NTM: variants seen among roughly 807,000 people sequenced by gnomAD.
NTM encodes the protein neurotrimin, also known as IgLON family member 2.
Under a neutral mutation model 42.1 loss-of-function variants are expected in NTM, and 13 were observed. That is an observed-to-expected ratio of 0.31 (90% CI 0.20 to 0.49). The LOEUF is 0.49. Ranked by LOEUF, NTM falls within the 20% of genes least tolerant of loss-of-function variation. NTM has a pLI of 0.99. For missense variants in NTM, 373 were observed against 452.8 expected (o/e 0.82, Z 1.60); for synonymous variants, 187 against 179.2 (o/e 1.04, Z -0.35).
At chr11:131,553,905 G>A (rs146863105) in intron 1 of NTM, among the ~76,000 whole-genome samples, 133 of 152,178 alleles carry the variant, frequency 8.7e-4, no homozygotes, top group African/African-American at 2.8e-3. Flanking sequence ...CTCATTTCCC[G>A]TAAACGTGAC....
In NTM at chr11:131,568,539, GT is replaced by G. The variant is rs1237884683; in HGVS notation, c.82+197655del. Among the ~76,000 whole-genome samples the G allele has an allele frequency of 3.9e-5, 6 of 152,296 alleles. No homozygotes were observed. The East Asian group carries it at 1.2e-3, about 29-fold the overall frequency. On this transcript the variant is annotated intron_variant, in intron 1 of 8. Transcript: ENST00000683400. ...CTGTCCATCTAGAGACCTTTGCATA[GT>G]TTTGATTGGTCAGATGTGAAAAGAG...
At chr11:131,631,475 T>TA (rs920020792) in intron 1 of NTM, among the ~76,000 whole-genome samples, 2 of 152,068 alleles carry the variant, frequency 1.3e-5, no homozygotes, top group Admixed American at 6.5e-5. Flanking sequence ...CTTATGTTAA[T>TA]AAAAAAAATG....
At chr11:131,587,413 A>C (rs920110991) in intron 1 of NTM, among the ~76,000 whole-genome samples, 15 of 151,042 alleles carry the variant, frequency 9.9e-5, no homozygotes, top group Non-Finnish European at 1.6e-4. Flanking sequence ...GCACCACTGC[A>C]CTCTAGCCTG....
At chr11:131,421,379 G>T (rs1490695585) in intron 1 of NTM, among the ~76,000 whole-genome samples, 3 of 152,200 alleles carry the variant, frequency 2.0e-5, no homozygotes, top group Admixed American at 2.0e-4. Context: ...CTGCCTGGAG[G>T]CCGGTGTGCA....
At chr11:131,730,128 C>T (rs1479135250) in intron 1 of NTM, among the ~76,000 whole-genome samples, 2 of 152,178 alleles carry the variant, frequency 1.3e-5, no homozygotes, top group African/African-American at 4.8e-5. Context: ...TGATCACCAT[C>T]CTAGTGGGTG....
chr11:131,789,856 T>G (rs1441764241), intron 1 of NTM, among the ~76,000 whole-genome samples: 17 of 145,306 alleles, frequency 1.2e-4, no homozygotes, highest in Admixed American at 1.2e-3. Context: ...CACGGGAGGC[T>G]GAGGCAGGAG....
chr11:132,210,555 G>A (rs930981099), intron 3 of NTM, among the ~76,000 whole-genome samples: 15 of 152,202 alleles, frequency 9.9e-5, no homozygotes, highest in Non-Finnish European at 1.8e-4. Flanking sequence ...TAGAATTGGA[G>A]TGTGGGAGCT....
At chr11:131,845,538 G>C (rs551699546) in intron 1 of NTM, among the ~76,000 whole-genome samples, 1 of 151,780 alleles carries the variant, frequency 6.6e-6, no homozygotes, top group African/African-American at 2.4e-5. Flanking sequence ...CCAGAGAGCC[G>C]GGGGAACAAT....
intron 7 of NTM, among the ~76,000 whole-genome samples, chr11:132,326,467 C>T (rs1269366164): frequency 6.6e-6 from 1 of 152,172 alleles, no homozygotes; most frequent in Non-Finnish European, 1.5e-5. Flanking sequence ...GTTACTTTAC[C>T]TGGTCACTGA....
At chr11:131,801,168 T>C (rs1248813503) in intron 1 of NTM, among the ~76,000 whole-genome samples, 1 of 152,190 alleles carries the variant, frequency 6.6e-6, no homozygotes, top group African/African-American at 2.4e-5. Flanking sequence ...CGTGAACTAC[T>C]TTTACCAAGT....
At position 131,834,642 on chromosome 11, in the gene NTM, A is replaced by ATATATATATG. The variant is rs1283909922; in HGVS notation, c.83-76919_83-76918insATATATGTAT. 1.8e-4 allele frequency among the ~76,000 whole-genome samples: 27 copies of ATATATATATG among 147,458 alleles called. 1 individual carries two copies. The highest frequency in any genetic ancestry group is 6.7e-4 in the African/African-American group (27 of 40,592). On this transcript the variant is annotated intron_variant, in intron 1 of 8. Coordinates refer to ENST00000683400, the MANE Select transcript of NTM (RefSeq NM_001352005.2). ...TACATATACATATATATATATATAT[A>ATATATATATG]TATGTATAATCTTCACAGCAACGCA... is the stretch of plus-strand genomic sequence containing the variant.
chr11:132,333,937 A>G (rs964046779), intron 8 of NTM, among the ~76,000 whole-genome samples: 1 of 152,226 alleles, frequency 6.6e-6, no homozygotes, highest in Non-Finnish European at 1.5e-5. Context: ...AATGTATCCA[A>G]CGCTGAGCAT....
chr11:132,132,059 G>A (rs1254043105), intron 2 of NTM, among the ~76,000 whole-genome samples: 1 of 152,180 alleles, frequency 6.6e-6, no homozygotes, highest in African/African-American at 2.4e-5. Flanking sequence ...GCCCAGTGTT[G>A]GTTGAAGGAA....
intron 1 of NTM, among the ~76,000 whole-genome samples, chr11:131,880,624 G>A (rs1313599596): frequency 2.0e-5 from 3 of 152,176 alleles, no homozygotes; most frequent in Admixed American, 1.3e-4. Flanking sequence ...ATTCCTGCTC[G>A]ATTCAAGGGT....
intron 1 of NTM, among the ~76,000 whole-genome samples, chr11:131,543,071 G>C (rs577085340): frequency 3.3e-5 from 5 of 152,190 alleles, no homozygotes; most frequent in Non-Finnish European, 7.3e-5. Flanking sequence ...GGATGAACAC[G>C]TGACTTCTCT....
intron 1 of NTM, among the ~76,000 whole-genome samples, chr11:131,692,201 C>T (rs368504763): frequency 1.3e-5 from 2 of 150,396 alleles, no homozygotes; most frequent in South Asian, 4.1e-4. Context: ...CTAGACCCTG[C>T]CTACAAGAGG....
intron 2 of NTM, among the ~76,000 whole-genome samples, chr11:131,935,347 C>T (rs1248126100): frequency 6.6e-6 from 1 of 152,210 alleles, no homozygotes; most frequent in Non-Finnish European, 1.5e-5. Flanking sequence ...GCCACCTGCC[C>T]TACTTAACAC....
At chr11:132,095,633 T>C (rs1249606290) in intron 2 of NTM, among the ~76,000 whole-genome samples, 7 of 152,310 alleles carry the variant, frequency 4.6e-5, no homozygotes, top group Non-Finnish European at 8.8e-5. Flanking sequence ...GTAGTCGGCA[T>C]GCATGTCCAA....
At chr11:131,855,509 A>C (rs968079932) in intron 1 of NTM, among the ~76,000 whole-genome samples, 1 of 152,204 alleles carries the variant, frequency 6.6e-6, no homozygotes, top group Admixed American at 6.5e-5. Flanking sequence ...CACACAAAAA[A>C]ACAAAGCTTT....
Sources: allele counts gnomAD v4.1 joint callset (sites outside exome capture counted in the v4.1 genomes callset), GRCh38; gene constraint gnomAD v4.1.1; transcripts MANE v1.5; gene names NCBI Gene and HGNC (gene_info 2026-07-23, HGNC 2026-07-21).